The following EIF2D variants were observed in gnomAD, a reference collection of about 807,000 sequenced individuals.
The protein encoded by EIF2D is eukaryotic translation initiation factor 2D, also known as hepatocellular carcinoma-associated antigen 56.
EIF2D carries 56 observed loss-of-function variants against 77.4 expected under a neutral mutation model. The observed-to-expected ratio is 0.72, with a 90% CI of 0.58 to 0.90. The LOEUF (loss-of-function observed/expected upper bound fraction) is 0.90. Ranked by LOEUF, EIF2D falls within the 40% of genes least tolerant of loss-of-function variation. EIF2D has a pLI of 0.00. For synonymous variants in EIF2D, 230 were observed against 271.0 expected (o/e 0.85, Z 1.49); for missense variants, 574 against 706.5 (o/e 0.81, Z 2.13).
chr1:206,588,573 A>G (rs949449104), downstream of EIF2D: 1 of 152,300 alleles, frequency 6.6e-6, no homozygotes, highest in Non-Finnish European at 1.5e-5. Context: ...TTCAAGCCCA[A>G]GCTTGTTCGT....
intron 2 of EIF2D, among the ~76,000 whole-genome samples, chr1:206,582,885 T>C (rs1007835234): frequency 1.1e-4 from 17 of 152,202 alleles, no homozygotes; most frequent in African/African-American, 3.9e-4. Flanking sequence ...TCCCATAGCA[T>C]CAAAGAAGCA....
At chr1:206,587,230 CCT>C, downstream of EIF2D, 1 of 451,086 alleles carries the variant, frequency 2.2e-6, no homozygotes, top group East Asian at 4.4e-5. Context: ...CAGCTGACGT[CCT>C]CTCTCGATCT....
chr1:206,611,396 T>C (rs782679900), intron 1 of EIF2D, 22 bp from the exon 2 acceptor site: 2 of 1,599,310 alleles, frequency 1.3e-6, no homozygotes, highest in East Asian at 4.5e-5. Context: ...ACACCAGCAC[T>C]GTGAATGCTG....
chr1:206,570,178 G>A (rs1184842590), downstream of EIF2D, among the ~76,000 whole-genome samples: 1 of 142,858 alleles, frequency 7.0e-6, no homozygotes, highest in Non-Finnish European at 1.5e-5. Flanking sequence ...TGTAACCTCT[G>A]CCTCCCAGGT....
In EIF2D at chr1:206,573,574, A is replaced by G. The variant is rs1243626452; in HGVS notation, c.*255-875T>C. Among the ~76,000 whole-genome samples, 20 of 152,248 alleles carry G rather than the reference A, an allele frequency of 1.3e-4. 1 individual carries two copies. Among genetic ancestry groups the G allele is most frequent in the Admixed American group, 1.3e-3 (20 of 15,294 alleles). On this transcript the variant is annotated intron_variant and NMD_transcript_variant, in intron 4 of 5. Coordinates refer to the EIF2D transcript ENST00000472709. ...AAATTAAGACCTCAAGAACCACTGAAGCAAGTATTGAGCAAGTATTTCCTA... is the reference window on the plus strand; with the variant it reads ...AAATTAAGACCTCAAGAACCACTGAGGCAAGTATTGAGCAAGTATTTCCTA...
At chr1:206,596,994 A>G in intron 12 of EIF2D, 106 bp downstream of exon 12, 2 of 845,736 alleles carry the variant, frequency 2.4e-6, no homozygotes, top group Non-Finnish European at 3.8e-6. Flanking sequence ...TATGAATTAC[A>G]GAAAGAAAAT....
chr1:206,598,479 G>T (rs1169674750), intron 11 of EIF2D, among the ~76,000 whole-genome samples: 1 of 152,162 alleles, frequency 6.6e-6, no homozygotes, highest in East Asian at 1.9e-4. Context: ...AGCAGAGTAA[G>T]GTGACTGTAG....
At chr1:206,609,719 G>C (rs2102307467) in intron 2 of EIF2D, among the ~76,000 whole-genome samples, 1 of 152,292 alleles carries the variant, frequency 6.6e-6, no homozygotes, top group Admixed American at 6.5e-5. Context: ...AAAAAAGTGA[G>C]GGCAGAGAAC....
Position 206,599,061 on chromosome 1 carries a change from G to T in EIF2D, c.1234C>A (p.Arg412=), listed in dbSNP as rs139900838. 6.2e-6 allele frequency: 10 copies of T among 1,614,084 alleles called. No individual in the cohort carries two copies. Among genetic ancestry groups the T allele is most frequent in the Non-Finnish European group, 8.5e-6 (10 of 1,180,008 alleles). The stretch of plus-strand genomic sequence containing the variant: ...TTGGCGTAGTTAATGACGATCGTTC[G>T]GACCTCACTGCCCTCCAGAAAGCTC... ...KGSFLEGSEV[R]TIVINYAKKN... is the part of the protein sequence containing the mutation. Residue 412 remains arginine, a synonymous_variant, in exon 11 of 15, where the codon CGA becomes AGA. Transcript: ENST00000271764. This position sits in a 1 kb window ranked among gnomAD's most constrained non-coding sequence, Gnocchi z 4.1.
intron 7 of EIF2D, 107 bp from the exon 8 acceptor site, chr1:206,600,415 G>A: frequency 1.0e-6 from 1 of 992,746 alleles, no homozygotes; most frequent in Non-Finnish European, 1.5e-6. Flanking sequence ...CCCACCTTCA[G>A]AGAGAGGCCA....
downstream of EIF2D, chr1:206,586,950 TAAG>T: frequency 6.2e-7 from 1 of 1,614,204 alleles, no homozygotes; most frequent in Non-Finnish European, 8.5e-7. Context: ...GAGGAGGCCT[TAAG>T]AGAATCCCAG....
At chr1:206,606,204 GAAT>G (rs1174514444) in intron 4 of EIF2D, among the ~76,000 whole-genome samples, 1 of 152,198 alleles carries the variant, frequency 6.6e-6, no homozygotes, top group Non-Finnish European at 1.5e-5. Context: ...AACAGTGGGG[GAAT>G]AATACATAAG....
intron 4 of EIF2D, among the ~76,000 whole-genome samples, chr1:206,606,400 T>G (rs1184717997): frequency 2.6e-5 from 4 of 152,184 alleles, no homozygotes; most frequent in African/African-American, 9.7e-5. Context: ...GCTTGAGAAC[T>G]CCAGTCTTGA....
At chr1:206,574,051 G>A (rs1302491983) in intron 4 of EIF2D, among the ~76,000 whole-genome samples, 5 of 152,368 alleles carry the variant, frequency 3.3e-5, no homozygotes, top group Non-Finnish European at 4.4e-5. Flanking sequence ...CCTGACTACT[G>A]TCGGTTTTTA....
At chr1:206,576,976 G>T (rs993593161) in intron 4 of EIF2D, among the ~76,000 whole-genome samples, 12 of 103,826 alleles carry the variant, frequency 1.2e-4, no homozygotes, top group Non-Finnish European at 2.2e-4. Context: ...GCTAATTTTT[G>T]TATTTTTTTT....
chr1:206,582,697 T>C (rs1352954107), intron 2 of EIF2D, among the ~76,000 whole-genome samples: 2 of 152,238 alleles, frequency 1.3e-5, no homozygotes, highest in African/African-American at 2.4e-5. Context: ...TGAAAAGCAC[T>C]GTGGCAAGTG....
Position 206,584,814 on chromosome 1 carries a change from T to A in EIF2D, c.139-3652A>T. 2 of 962,350 alleles carry A rather than the reference T, an allele frequency of 2.1e-6. No individual in the cohort carries two copies. The highest frequency in any genetic ancestry group is 3.1e-6 in the Non-Finnish European group (2 of 639,578). The allele number at this position is 962,350 out of a possible 1,614,324, so 59.6% of individuals were successfully genotyped here. On this transcript the variant is annotated intron_variant and NMD_transcript_variant, in intron 2 of 5. Transcript: ENST00000472709. This position sits in a 1 kb window ranked among gnomAD's most constrained non-coding sequence, Gnocchi z 4.9. ...TGAGCACCAGGGGTCCAGCTGCCCATGTGGTGTTCAGATCTGTGGAATCCG... is the reference window on the plus strand; with the variant it reads ...TGAGCACCAGGGGTCCAGCTGCCCAAGTGGTGTTCAGATCTGTGGAATCCG...
intron 2 of EIF2D, chr1:206,585,388 C>A: frequency 1.1e-6 from 1 of 873,734 alleles, no homozygotes; most frequent in Non-Finnish European, 2.0e-6. Context: ...TAGGTGGGAG[C>A]CACGCAGCAC....
intron 2 of EIF2D, among the ~76,000 whole-genome samples, chr1:206,610,833 C>T (rs1470073945): frequency 6.6e-6 from 1 of 152,062 alleles, no homozygotes; most frequent in Non-Finnish European, 1.5e-5. Flanking sequence ...GAAGACATGC[C>T]CTGAAATTCC....
Sources: gnomAD v4.1 joint callset for allele counts (sites outside exome capture counted in the v4.1 genomes callset) on GRCh38, gnomAD v4.1.1 for gene constraint, Gnocchi (gnomAD v3.1) non-coding constraint, MANE v1.5 for transcripts, NCBI Gene and HGNC (gene_info 2026-07-23, HGNC 2026-07-21) for gene names.